COX14: variants seen among roughly 807,000 people sequenced by gnomAD.
COX14 encodes cytochrome c oxidase assembly factor COX14.
In COX14, 3 loss-of-function variants were observed where a neutral mutation model predicts 5.8. The observed-to-expected ratio is 0.51, with a 90% CI of 0.23 to 1.33. The LOEUF (loss-of-function observed/expected upper bound fraction) is 1.33. COX14 is among the 40% of genes most tolerant of loss of function. The pLI, the probability that COX14 is intolerant of heterozygous loss-of-function variation, is 0.18. For synonymous variants in COX14, 25 were observed against 26.1 expected (o/e 0.96, Z 0.13); for missense variants, 72 against 72.1 (o/e 1.00, Z 0.01).
At chr12:50,113,139 T>C (rs1951045223) in intron 1 of COX14, among the ~76,000 whole-genome samples, 1 of 151,758 alleles carries the variant, frequency 6.6e-6, no homozygotes, top group Admixed American at 6.6e-5. Flanking sequence ...CCTCCCAAAG[T>C]GTTGGGATTA....
intron 1 of COX14, among the ~76,000 whole-genome samples, chr12:50,119,633 T>C (rs1215800921): frequency 6.6e-6 from 1 of 152,176 alleles, no homozygotes; most frequent in Non-Finnish European, 1.5e-5. Context: ...AGGTTGAAGC[T>C]GCAATGAGTC....
intron 1 of COX14, among the ~76,000 whole-genome samples, chr12:50,116,885 G>C (rs1226566107): frequency 6.6e-6 from 1 of 152,158 alleles, no homozygotes; most frequent in Admixed American, 6.5e-5. Context: ...AGCTCAGCTT[G>C]GGGTCCACAC....
intron 1 of COX14, chr12:50,113,040 T>C: frequency 6.6e-6 from 1 of 150,892 alleles, no homozygotes; most frequent in Non-Finnish European, 1.5e-5. Context: ...TTTGTTGTTG[T>C]TGTTGTTGTT....
At position 50,117,668 on chromosome 12, in the gene COX14, C is replaced by G. The variant is rs151318234; in HGVS notation, c.-8-2368C>G. ...ATCTCGGCTCAACTGCAACCTCTGC[C>G]TCTGGGATTCAAGCAATTCTCCTGT... On this transcript the variant is annotated intron_variant, in intron 1 of 1. Transcript: ENST00000550487. 2.2e-3 allele frequency among the ~76,000 whole-genome samples: 338 copies of G among 151,844 alleles called. 1 individual carries two copies. The highest frequency in any genetic ancestry group is 7.7e-3 in the African/African-American group (317 of 41,380).
chr12:50,119,969 T>TA (rs1951115518), intron 1 of COX14, 67 bp from the exon 2 acceptor site: 11 of 1,291,262 alleles, frequency 8.5e-6, no homozygotes, highest in Admixed American at 1.7e-5. Flanking sequence ...GGAATGGCGT[T>TA]AAACAGGGAG....
intron 1 of COX14, among the ~76,000 whole-genome samples, chr12:50,117,138 T>C (rs1397426724): frequency 1.3e-5 from 2 of 152,040 alleles, no homozygotes; most frequent in African/African-American, 4.8e-5. Flanking sequence ...GCCTCCTGAG[T>C]AGCTGGGACT....
intron 1 of COX14, among the ~76,000 whole-genome samples, chr12:50,115,696 TG>T (rs1565752159): frequency 6.6e-6 from 1 of 151,380 alleles, no homozygotes; most frequent in African/African-American, 2.4e-5. Flanking sequence ...GGACTACAGG[TG>T]CATGCCACTA....
intron 1 of COX14, among the ~76,000 whole-genome samples, chr12:50,119,785 T>C (rs555302838): frequency 6.5e-4 from 99 of 152,334 alleles, no homozygotes; most frequent in African/African-American, 2.3e-3. Context: ...TTTGATGACA[T>C]TCAGAGACAC....
At chr12:50,118,169 C>G (rs1279744307) in intron 1 of COX14, among the ~76,000 whole-genome samples, 4 of 151,852 alleles carry the variant, frequency 2.6e-5, no homozygotes, top group Admixed American at 1.3e-4. Flanking sequence ...GCCTTAGCCT[C>G]TCGAGTAGCT....
At chr12:50,116,309 T>C (rs1592309811) in intron 1 of COX14, among the ~76,000 whole-genome samples, 2 of 152,276 alleles carry the variant, frequency 1.3e-5, no homozygotes, top group East Asian at 1.9e-4. Flanking sequence ...GCCAGGCTGG[T>C]CTCGAACTCC....
intron 1 of COX14, among the ~76,000 whole-genome samples, chr12:50,114,272 G>T (rs1409369187): frequency 6.7e-6 from 1 of 149,328 alleles, no homozygotes; most frequent in Non-Finnish European, 1.5e-5. Flanking sequence ...TTTTTGAGGG[G>T]TGGAGTTTCA....
chr12:50,116,216 C>A (rs1237367233), intron 1 of COX14, among the ~76,000 whole-genome samples: 1 of 151,894 alleles, frequency 6.6e-6, no homozygotes, highest in Non-Finnish European at 1.5e-5. Flanking sequence ...CCTCAGCCTC[C>A]TGAGTAGCTG....
intron 1 of COX14, among the ~76,000 whole-genome samples, chr12:50,115,277 C>T (rs888196612): frequency 6.1e-5 from 9 of 147,986 alleles, no homozygotes; most frequent in Admixed American, 5.4e-4. Context: ...TGCAGTGGCG[C>T]GATCTCTGCT....
chr12:50,112,469 G>A, intron 1 of COX14, 168 bp downstream of exon 1: 1 of 985,870 alleles, frequency 1.0e-6, no homozygotes, highest in Non-Finnish European at 1.2e-6. Flanking sequence ...ACTGCTTCCT[G>A]CCCAAGCCCA....
At position 50,112,303 on chromosome 12, in the gene COX14, T is replaced by C; in HGVS notation, c.-9+2T>C. ...ATGCGAAGGAGCTGCAGCATCCAGG[T>C]ACGCTGCCGGCTAGGGCCGAGCAGG... On this transcript the variant is annotated splice_donor_variant, in intron 1 of 1. Transcript: ENST00000550487. LOFTEE classifies it low-confidence loss of function (5UTR_SPLICE). 1.0e-6 allele frequency: 1 copy of C among 985,474 alleles called. No individual in the cohort carries two copies. The highest frequency in any genetic ancestry group is 1.2e-6 in the Non-Finnish European group (1 of 829,936). The allele number at this position is 985,474 out of a possible 1,614,324, so 61.0% of individuals were successfully genotyped here.
At chr12:50,113,024 T>A (rs1002554814) in intron 1 of COX14, 1 of 146,850 alleles carries the variant, frequency 6.8e-6, no homozygotes, top group East Asian at 2.0e-4. Context: ...AAAAAAAGGT[T>A]TTTTTTTTGT....
intron 1 of COX14, chr12:50,112,575 C>A: frequency 3.0e-6 from 2 of 664,692 alleles, no homozygotes; most frequent in Non-Finnish European, 3.7e-6. Flanking sequence ...CACGCTCCAA[C>A]TCTGCCTCTT....
chr12:50,114,770 ATTTTTTT>A (rs71083507), intron 1 of COX14, among the ~76,000 whole-genome samples: 8 of 70,648 alleles, frequency 1.1e-4, no homozygotes, highest in Non-Finnish European at 1.5e-4. Context: ...GAGTATCTTA[ATTTTTTT>A]TTTTTTTTTT....
At chr12:50,113,013 T>TAAAAAAAGG (rs1413536041) in intron 1 of COX14, 1 of 150,892 alleles carries the variant, frequency 6.6e-6, no homozygotes, top group African/African-American at 2.5e-5. Flanking sequence ...GGGTAATTTT[T>TAAAAAAAGG]AAAAAAAGGT....
Sources: gnomAD v4.1 joint callset for allele counts (sites outside exome capture counted in the v4.1 genomes callset) on GRCh38, gnomAD v4.1.1 for gene constraint, MANE v1.5 for transcripts, NCBI Gene and HGNC (gene_info 2026-07-23, HGNC 2026-07-21) for gene names.